WWP2: variants seen among roughly 807,000 people sequenced by gnomAD.
WWP2 encodes NEDD4-like E3 ubiquitin-protein ligase WWP2.
WWP2 carries 57 observed loss-of-function variants against 121.0 expected under a neutral mutation model. The observed-to-expected ratio is 0.47, with a 90% CI of 0.38 to 0.59. The LOEUF is 0.59. Ranked by LOEUF, WWP2 falls within the 20% of genes least tolerant of loss-of-function variation. The pLI, the probability that WWP2 is intolerant of heterozygous loss-of-function variation, is 0.00. For synonymous variants in WWP2, 449 were observed against 441.3 expected (o/e 1.02, Z -0.22); for missense variants, 962 against 1,158.9 (o/e 0.83, Z 2.47).
At chr16:69,885,143 T>TCAC (rs2057902691) in intron 7 of WWP2, among the ~76,000 whole-genome samples, 1 of 111,268 alleles carries the variant, frequency 9.0e-6, no homozygotes, top group African/African-American at 3.0e-5. Flanking sequence ...ACACACACAT[T>TCAC]CTTCTTCTTT....
In WWP2 at chr16:69,908,808, A is replaced by G; in HGVS notation, c.962A>G (p.His321Arg). ...LPNGRVYYVD[H>R]NTKTTTWERP... ...AACGGACGTGTCTATTATGTTGACC[A>G]CAATACCAAGACCACCACCTGGGAG... Residue 321 changes from histidine (H) to arginine (R), a missense_variant, in exon 9 of 24, where the codon CAC becomes CGC. His to Arg is a conservative substitution (Grantham distance 29). This residue lies in a region of WWP2 where 606 missense variants were observed against 772.6 expected (regional missense o/e 0.78). Transcript: ENST00000359154. 1.9e-6 allele frequency: 3 copies of G among 1,614,240 alleles called. No individual in the cohort carries two copies. The highest frequency in any genetic ancestry group is 2.5e-6 in the Non-Finnish European group (3 of 1,180,048).
intron 11 of WWP2, among the ~76,000 whole-genome samples, chr16:69,926,550 A>G (rs1327058878): frequency 6.6e-6 from 1 of 152,178 alleles, no homozygotes; most frequent in African/African-American, 2.4e-5. Context: ...GCTCTCGGGT[A>G]GTTATTTAAG....
At chr16:69,903,782 G>A (rs865989285) in intron 8 of WWP2, among the ~76,000 whole-genome samples, 4,416 of 146,126 alleles carry the variant, frequency 0.03, 207 homozygotes, top group African/African-American at 0.1. Context: ...AAAAAAAAAA[G>A]AAAGAAAGAA....
At chr16:69,926,379 T>C (rs1276370237) in intron 11 of WWP2, among the ~76,000 whole-genome samples, 1 of 151,920 alleles carries the variant, frequency 6.6e-6, no homozygotes, top group East Asian at 1.9e-4. Context: ...ACGGTAAACG[T>C]TGGTTTGGTG....
chr16:69,789,591 G>A (rs1224987002), intron 2 of WWP2, among the ~76,000 whole-genome samples: 4 of 152,068 alleles, frequency 2.6e-5, no homozygotes, highest in Non-Finnish European at 5.9e-5. Context: ...AACCAGTATT[G>A]TTTCTTGTGT....
chr16:69,922,146 C>A (rs1167472733), intron 10 of WWP2, among the ~76,000 whole-genome samples: 3 of 150,616 alleles, frequency 2.0e-5, no homozygotes, highest in Non-Finnish European at 4.4e-5. Context: ...CTCCAAATTG[C>A]ATTATCGAGA....
chr16:69,933,620 G>C (rs34119313), intron 16 of WWP2, among the ~76,000 whole-genome samples: 4 of 152,100 alleles, frequency 2.6e-5, no homozygotes, highest in Non-Finnish European at 2.9e-5. Flanking sequence ...GCACAGCCTA[G>C]GCAACTGAGC....
At chr16:69,872,149 G>A (rs887316225) in intron 7 of WWP2, among the ~76,000 whole-genome samples, 2 of 152,074 alleles carry the variant, frequency 1.3e-5, no homozygotes, top group Non-Finnish European at 2.9e-5. Context: ...ATATGACTGC[G>A]CTCTTCTAAA....
At position 69,880,744 on chromosome 16, in the gene WWP2, G is replaced by C. The variant is rs1030126035; in HGVS notation, c.704-7295G>C. On this transcript the variant is annotated intron_variant, in intron 7 of 23. Transcript: ENST00000359154. ...CTGCCTTGGCAGTGCAGTTGCTTGT[G>C]TTTCACGGGTGAAAGACACCAACTG... Among the ~76,000 whole-genome samples, 3 of 152,328 alleles carry C rather than the reference G, an allele frequency of 2.0e-5. No individual in the cohort carries two copies. In the South Asian group the frequency reaches 6.2e-4, roughly 32 times the overall value.
At chr16:69,896,668 A>T (rs901138451) in intron 8 of WWP2, among the ~76,000 whole-genome samples, 5 of 152,134 alleles carry the variant, frequency 3.3e-5, no homozygotes, top group Admixed American at 3.3e-4. Flanking sequence ...CATAATAACA[A>T]CAGTTAACAA....
At chr16:69,877,177 G>A (rs960804409) in intron 7 of WWP2, among the ~76,000 whole-genome samples, 5 of 152,194 alleles carry the variant, frequency 3.3e-5, no homozygotes, top group South Asian at 4.1e-4. Context: ...CTGTTGTTTC[G>A]TGTGGCCAAC....
At chr16:69,772,854 C>T (rs948724063) in intron 1 of WWP2, among the ~76,000 whole-genome samples, 5 of 152,076 alleles carry the variant, frequency 3.3e-5, no homozygotes, top group African/African-American at 1.2e-4. Context: ...GTCTGCTTGC[C>T]TTCTGTTGAC....
chr16:69,811,849 AT>A (rs2056397906), intron 4 of WWP2, among the ~76,000 whole-genome samples: 1 of 152,140 alleles, frequency 6.6e-6, no homozygotes, highest in African/African-American at 2.4e-5. Context: ...AATTTGCTAC[AT>A]TTGCTTTCAC....
At position 69,925,592 on chromosome 16, in the gene WWP2, C is replaced by A; in HGVS notation, c.1234+108C>A. Reference sequence around the variant, plus strand: ...CTGTTCCTGTCCCTCTGTTTTCCATCTCTCCCCTCTCCAGCACACTCTCTG... The same window carrying A: ...CTGTTCCTGTCCCTCTGTTTTCCATATCTCCCCTCTCCAGCACACTCTCTG... On this transcript the variant is annotated intron_variant, in intron 11 of 23. Coordinates refer to ENST00000359154, the MANE Select transcript of WWP2 (RefSeq NM_001270454.2). The surrounding 1 kb of genome is among the most constrained non-coding windows in gnomAD (Gnocchi z 4.0). 3 of 1,381,692 alleles carry A rather than the reference C, an allele frequency of 2.2e-6. No individual in the cohort carries two copies. The highest frequency in any genetic ancestry group is 2.8e-5 in the South Asian group (2 of 71,074). 85.6% of individuals were successfully genotyped at this position (1,381,692 alleles called of 1,614,324 possible).
chr16:69,883,855 T>C (rs1227734717), intron 7 of WWP2, among the ~76,000 whole-genome samples: 1 of 152,212 alleles, frequency 6.6e-6, no homozygotes, highest in East Asian at 1.9e-4. Context: ...GATTTGCAGC[T>C]GCATAAACAG....
At chr16:69,816,871 G>A (rs996503127) in intron 4 of WWP2, among the ~76,000 whole-genome samples, 1 of 152,144 alleles carries the variant, frequency 6.6e-6, no homozygotes, top group Admixed American at 6.5e-5. Context: ...AGATTGTGGT[G>A]CCATCCCCTT....
chr16:69,881,774 C>T (rs967754740), intron 7 of WWP2, among the ~76,000 whole-genome samples: 11 of 152,244 alleles, frequency 7.2e-5, no homozygotes, highest in African/African-American at 2.2e-4. Flanking sequence ...TCACTGCAGC[C>T]TCCCCTTCCT....
chr16:69,765,467 T>C (rs889920132), intron 1 of WWP2, among the ~76,000 whole-genome samples: 1 of 152,184 alleles, frequency 6.6e-6, no homozygotes, highest in Non-Finnish European at 1.5e-5. Context: ...GGCACATTGA[T>C]AACTAAGTAT....
intron 8 of WWP2, among the ~76,000 whole-genome samples, chr16:69,890,590 C>T (rs1597116707): frequency 6.6e-6 from 1 of 152,144 alleles, no homozygotes; most frequent in South Asian, 2.1e-4. Context: ...AGAAAATGGC[C>T]GCCTGTGTCC....
Sources: gnomAD v4.1 joint callset for allele counts (sites outside exome capture counted in the v4.1 genomes callset) on GRCh38, gnomAD v4.1.1 for gene constraint, gnomAD v4.1.1 regional missense constraint, Gnocchi (gnomAD v3.1) non-coding constraint, MANE v1.5 for transcripts, NCBI Gene and HGNC (gene_info 2026-07-23, HGNC 2026-07-21) for gene names.